The following MTRES1 variants were observed in gnomAD, a reference collection of about 807,000 sequenced individuals.
MTRES1 encodes uncharacterized protein C6orf203.
MTRES1 carries 11 observed loss-of-function variants against 17.4 expected under a neutral mutation model. The observed-to-expected ratio is 0.63, with a 90% CI of 0.40 to 1.05. MTRES1 has a LOEUF of 1.05. Ranked by LOEUF, MTRES1 falls within the 50% of genes least tolerant of loss-of-function variation. The probability of loss-of-function intolerance (pLI) is 0.00; values close to 1 mark genes in which losing one functional copy is unlikely to be tolerated. For synonymous variants in MTRES1, 94 were observed against 99.6 expected, an observed-to-expected ratio of 0.94 and a Z score of 0.34; for missense variants, 268 against 276.2, an observed-to-expected ratio of 0.97 and a Z score of 0.21.
At chr6:107,029,940 A>T in intron 1 of MTRES1, 1 of 632,162 alleles carries the variant, frequency 1.6e-6, no homozygotes. Context: ...ACCCTGCTCC[A>T]CTTTCTTCCC....
chr6:107,038,149 C>T (rs1488559317), intron 1 of MTRES1, among the ~76,000 whole-genome samples: 1 of 152,200 alleles, frequency 6.6e-6, no homozygotes, highest in Non-Finnish European at 1.5e-5. Context: ...GAGACTGGGT[C>T]GTATGCTCAT....
rs1554228158 is a variant in MTRES1 at position 107,044,305 on chromosome 6, G to C, written c.516G>C (p.Glu172Asp). Reference protein sequence around the residue: ...AFYKGELRLNEEKLWKKSRTV... With the variant: ...AFYKGELRLNDEKLWKKSRTV... ...ACAAAGGTGAACTCAGGCTGAATGA[G>C]GAAAAATTATGGAAGAAAAGCAGAA... Residue 172 changes from glutamate (E) to aspartate (D), a missense_variant, in exon 3 of 4, where the codon GAG (glutamate) becomes GAC (aspartate). By Grantham distance (45) the Glu-to-Asp change is conservative. Transcript: ENST00000311381. The C allele has an allele frequency of 6.2e-7, 1 of 1,613,842 alleles. No homozygotes were observed. The highest frequency in any genetic ancestry group is 1.1e-5 in the South Asian group (1 of 91,060).
chr6:107,029,348 C>T (rs1182957024), intron 1 of MTRES1, among the ~76,000 whole-genome samples: 2 of 152,018 alleles, frequency 1.3e-5, no homozygotes, highest in African/African-American at 2.4e-5. Context: ...CCACCACGCC[C>T]GGCTAATTTT....
At chr6:107,044,176 G>A (rs966525024) in intron 2 of MTRES1, 84 bp from the exon 3 acceptor site, 3 of 923,556 alleles carry the variant, frequency 3.2e-6, no homozygotes, top group Middle Eastern at 2.6e-4. Flanking sequence ...TTGTTACGTG[G>A]ATATACTGTA....
intron 1 of MTRES1, among the ~76,000 whole-genome samples, chr6:107,039,190 T>C (rs1431171867): frequency 3.3e-5 from 5 of 152,212 alleles, no homozygotes; most frequent in Non-Finnish European, 7.3e-5. Flanking sequence ...TATACTCATA[T>C]CACATTGGAC....
At chr6:107,046,829 G>A (rs1468406671) in intron 3 of MTRES1, among the ~76,000 whole-genome samples, 2 of 152,134 alleles carry the variant, frequency 1.3e-5, no homozygotes, top group African/African-American at 2.4e-5. Flanking sequence ...TCCAAGTATG[G>A]GGATTGAATC....
At chr6:107,036,584 C>T (rs1582598648) in intron 1 of MTRES1, among the ~76,000 whole-genome samples, 1 of 151,968 alleles carries the variant, frequency 6.6e-6, no homozygotes, top group Non-Finnish European at 1.5e-5. Context: ...TGACTCACGC[C>T]TCTAATCCCA....
chr6:107,028,893 CAA>C, intron 1 of MTRES1: 1 of 985,260 alleles, frequency 1.0e-6, no homozygotes, highest in Admixed American at 6.1e-5. Flanking sequence ...ACACCAACGC[CAA>C]AGAGATCTTT....
At chr6:107,034,246 G>A (rs1330291413) in intron 1 of MTRES1, among the ~76,000 whole-genome samples, 1 of 152,172 alleles carries the variant, frequency 6.6e-6, no homozygotes, top group African/African-American at 2.4e-5. Context: ...CAGGAAAAGA[G>A]TGTAAAAAAG....
At chr6:107,035,892 G>T (rs1234149757) in intron 1 of MTRES1, among the ~76,000 whole-genome samples, 1 of 152,070 alleles carries the variant, frequency 6.6e-6, no homozygotes, top group East Asian at 1.9e-4. Context: ...CAGGTTATCT[G>T]CCAGCCTTGG....
At chr6:107,030,584 C>T (rs1773802759) in intron 1 of MTRES1, among the ~76,000 whole-genome samples, 1 of 152,138 alleles carries the variant, frequency 6.6e-6, no homozygotes, top group East Asian at 1.9e-4. Flanking sequence ...TATGACAAGA[C>T]GTGAGAGATC....
rs1012052520 is a variant in MTRES1 at position 107,033,673 on chromosome 6, C to T, written c.-13+5402C>T. ...CTCTACCAAAGATACAAAAAATTAGCCGGGCGTGGTGGCGGGTGCCTGTAC... is the reference window on the plus strand; with the variant it reads ...CTCTACCAAAGATACAAAAAATTAGTCGGGCGTGGTGGCGGGTGCCTGTAC... On this transcript the variant is annotated intron_variant, in intron 1 of 3. Transcript: ENST00000311381. Among the ~76,000 whole-genome samples the T allele has an allele frequency of 2.0e-5, 3 of 152,024 alleles. No individual in the cohort carries two copies. In the South Asian group the frequency reaches 6.2e-4, roughly 32 times the overall value.
chr6:107,028,924 G>T lies in MTRES1; in HGVS notation c.-13+653G>T, dbSNP rs570024890. On this transcript the variant is annotated intron_variant, in intron 1 of 3. Coordinates refer to ENST00000311381, the MANE Select transcript of MTRES1 (RefSeq NM_016487.5). ...GATCTTTTAAAATGAACTTCCATCA[G>T]GTCACTTCCCAGGGTCCATCATTGC... 6.0e-4 allele frequency: 585 copies of T among 976,392 alleles called. 2 individuals carry two copies. In the African/African-American group the frequency reaches 9.7e-3, roughly 16 times the overall value. 60.5% of individuals were successfully genotyped at this position (976,392 alleles called of 1,614,324 possible).
chr6:107,034,996 A>AG (rs1773961955), intron 1 of MTRES1, among the ~76,000 whole-genome samples: 1 of 152,052 alleles, frequency 6.6e-6, no homozygotes, highest in Non-Finnish European at 1.5e-5. Context: ...TTAAAAAAAA[A>AG]GAAGACTTGA....
chr6:107,036,573 G>C (rs1554226962), intron 1 of MTRES1, among the ~76,000 whole-genome samples: 1 of 151,844 alleles, frequency 6.6e-6, no homozygotes, highest in East Asian at 1.9e-4. Flanking sequence ...GCTGGGTGCG[G>C]TGACTCACGC....
chr6:107,049,250 A>T (rs940830663), intron 3 of MTRES1, among the ~76,000 whole-genome samples: 1 of 152,094 alleles, frequency 6.6e-6, no homozygotes, highest in South Asian at 2.1e-4. Context: ...AGCCTTATAA[A>T]TGGCAATGTG....
chr6:107,033,384 A>T (rs1032161616), intron 1 of MTRES1, among the ~76,000 whole-genome samples: 3 of 144,782 alleles, frequency 2.1e-5, no homozygotes, highest in Non-Finnish European at 3.0e-5. Flanking sequence ...TCAGTAGTAG[A>T]TTTTTTTTTT....
intron 3 of MTRES1, 78 bp downstream of exon 3, chr6:107,044,410 AT>A: frequency 8.5e-7 from 1 of 1,172,398 alleles, no homozygotes; most frequent in South Asian, 1.3e-5. Context: ...GCTGTCCCAA[AT>A]TTTCCCTCTG....
At chr6:107,044,133 A>C in intron 2 of MTRES1, 127 bp from the exon 3 acceptor site, 1 of 612,136 alleles carries the variant, frequency 1.6e-6, no homozygotes, top group Non-Finnish European at 2.7e-6. Context: ...AAAAACAAAC[A>C]AAAAAAATAG....
Sources: allele counts gnomAD v4.1 joint callset (sites outside exome capture counted in the v4.1 genomes callset), GRCh38; gene constraint gnomAD v4.1.1; transcripts MANE v1.5; gene names NCBI Gene and HGNC (gene_info 2026-07-23, HGNC 2026-07-21).